Variants in PDE3B observed in about 807,000 individuals in gnomAD.
The protein encoded by PDE3B is cGMP-inhibited 3',5'-cyclic phosphodiesterase 3B.
Under a neutral mutation model 116.8 loss-of-function variants are expected in PDE3B, and 66 were observed. The observed-to-expected ratio is 0.56, with a 90% confidence interval of 0.46 to 0.69. The LOEUF is 0.69. Among genes scored for constraint, PDE3B ranks in the 30% least tolerant of loss-of-function variants. PDE3B has a pLI of 0.00. For missense variants in PDE3B, 1,384 were observed against 1,368.1 expected, an observed-to-expected ratio of 1.01 and a Z score of -0.18; for synonymous variants, 595 against 533.6, an observed-to-expected ratio of 1.12 and a Z score of -1.59.
At chr11:14,894,362 A>T in the PDE3B span, among the ~76,000 whole-genome samples, 1 of 152,006 alleles carries the variant, frequency 6.6e-6, no homozygotes, top group Non-Finnish European at 1.5e-5. Context: ...CCAGGAGCTG[A>T]GGAATATCAC....
chr11:14,801,144 C>T (rs531572144), intron 4 of PDE3B, among the ~76,000 whole-genome samples: 79 of 152,270 alleles, frequency 5.2e-4, no homozygotes, highest in Non-Finnish European at 1.1e-3. Context: ...CCTTCTGAAG[C>T]CTACTTCTGT....
chr11:14,821,121 T>C (rs1357766303), intron 7 of PDE3B, among the ~76,000 whole-genome samples: 2 of 152,216 alleles, frequency 1.3e-5, no homozygotes, highest in Non-Finnish European at 2.9e-5. Flanking sequence ...GAAGGATTGA[T>C]TGGGCAGAAT....
chr11:14,721,329 C>G (rs867011513), intron 1 of PDE3B, among the ~76,000 whole-genome samples: 3,150 of 151,966 alleles, frequency 0.021, 111 homozygotes, highest in African/African-American at 0.072. Flanking sequence ...GTTGGTGGGA[C>G]TGTAAACTAG....
chr11:14,895,717 G>T, the PDE3B span, among the ~76,000 whole-genome samples: 1 of 152,182 alleles, frequency 6.6e-6, no homozygotes, highest in African/African-American at 2.4e-5. Context: ...TCACCCCACT[G>T]CCTGAAGTTC....
intron 4 of PDE3B, among the ~76,000 whole-genome samples, chr11:14,798,298 G>C (rs1416561923): frequency 6.6e-6 from 1 of 152,062 alleles, no homozygotes; most frequent in Non-Finnish European, 1.5e-5. Flanking sequence ...ATCGTGGTGG[G>C]TAAGCTTTTT....
chr11:14,733,536 T>C (rs1442460253), intron 1 of PDE3B, among the ~76,000 whole-genome samples: 1 of 152,188 alleles, frequency 6.6e-6, no homozygotes, highest in Non-Finnish European at 1.5e-5. Flanking sequence ...TGGCTTTTGA[T>C]TACATGTTCT....
chr11:14,824,955 A>C (rs1467835728), intron 7 of PDE3B, among the ~76,000 whole-genome samples: 1 of 152,156 alleles, frequency 6.6e-6, no homozygotes, highest in Non-Finnish European at 1.5e-5. Context: ...TACAAGCCAG[A>C]AGAGCCTGGG....
At chr11:14,783,251 A>T (rs1285663311) in intron 2 of PDE3B, among the ~76,000 whole-genome samples, 1 of 152,256 alleles carries the variant, frequency 6.6e-6, no homozygotes, top group African/African-American at 2.4e-5. Flanking sequence ...CAGCCATCCC[A>T]TTACTGGGTA....
the PDE3B span, among the ~76,000 whole-genome samples, chr11:14,881,524 A>C: frequency 6.6e-6 from 1 of 152,220 alleles, no homozygotes; most frequent in South Asian, 2.1e-4. Flanking sequence ...TGTACCTCTG[A>C]TAAATTTCAC....
At chr11:14,778,741 C>T (rs1366326915) in intron 2 of PDE3B, among the ~76,000 whole-genome samples, 1 of 152,170 alleles carries the variant, frequency 6.6e-6, no homozygotes, top group Non-Finnish European at 1.5e-5. Flanking sequence ...GCTGAAAATT[C>T]TAAAAATCAG....
At chr11:14,820,336 C>G (rs1191402257) in intron 7 of PDE3B, among the ~76,000 whole-genome samples, 1 of 150,458 alleles carries the variant, frequency 6.6e-6, no homozygotes. Flanking sequence ...AAACATTATT[C>G]TAAGTGAAAG....
At position 14,829,278 on chromosome 11, in the gene PDE3B, C is replaced by A. The variant is rs553271472; in HGVS notation, c.1808-1420C>A. Among the ~76,000 whole-genome samples the A allele has an allele frequency of 2.0e-4, 31 of 152,130 alleles. No individual in the cohort carries two copies. In the South Asian group the frequency reaches 6.2e-3, roughly 31 times the overall value. ...GTTACATGCTTACCTATGTAACAAA[C>A]CTGCACTTGTACCACTAAACTTAAA... On this transcript the variant is annotated intron_variant, in intron 7 of 15. Coordinates refer to ENST00000282096, the MANE Select transcript of PDE3B (RefSeq NM_000922.4).
chr11:14,666,599 C>A (rs1854161604), intron 1 of PDE3B, among the ~76,000 whole-genome samples: 5 of 151,710 alleles, frequency 3.3e-5, no homozygotes, highest in Admixed American at 3.3e-4. Flanking sequence ...AAAAAACACA[C>A]AACCCCATCA....
At chr11:14,730,464 T>C (rs1856427402) in intron 1 of PDE3B, among the ~76,000 whole-genome samples, 1 of 152,248 alleles carries the variant, frequency 6.6e-6, no homozygotes. Context: ...TTTCATTCTT[T>C]TATAAATTCT....
intron 3 of PDE3B, among the ~76,000 whole-genome samples, chr11:14,788,630 T>G (rs1858286454): frequency 6.6e-6 from 1 of 151,990 alleles, no homozygotes. Flanking sequence ...AAAGGTGTTC[T>G]GTATTTAACT....
At chr11:14,735,260 A>G (rs1379162878) in intron 1 of PDE3B, among the ~76,000 whole-genome samples, 1 of 152,222 alleles carries the variant, frequency 6.6e-6, no homozygotes, top group Non-Finnish European at 1.5e-5. Context: ...TCCAGGAGGT[A>G]CAAAGTCTGT....
At chr11:14,718,614 A>C (rs1357480689) in intron 1 of PDE3B, among the ~76,000 whole-genome samples, 2 of 150,136 alleles carry the variant, frequency 1.3e-5, no homozygotes, top group Non-Finnish European at 1.5e-5. Context: ...AGGATTAAGA[A>C]TCTCACTCAA....
intron 6 of PDE3B, 113 bp from the exon 7 acceptor site, chr11:14,819,022 AG>A (rs1859424870): frequency 1.7e-6 from 1 of 577,086 alleles, no homozygotes; most frequent in Non-Finnish European, 3.2e-6. Context: ...TTGGAATTTT[AG>A]GATGCGTTGC....
rs117993890 is a variant in PDE3B, at chr11:14,762,581, T to C, written c.979-9356T>C. On this transcript the variant is annotated intron_variant, in intron 1 of 15. Transcript: ENST00000282096. ...TGAGATGAGAAGTCACTGGAGAGTG[T>C]TGAACAAAGAAGTGACATTATGTGA... is the stretch of plus-strand genomic sequence containing the variant. 1.4e-3 allele frequency among the ~76,000 whole-genome samples: 217 copies of C among 152,208 alleles called. 7 individuals are homozygous for C. The East Asian group carries it at 0.031, about 22-fold the overall frequency.
Sources: allele counts gnomAD v4.1 joint callset (sites outside exome capture counted in the v4.1 genomes callset), GRCh38; gene constraint gnomAD v4.1.1; transcripts MANE v1.5; gene names NCBI Gene and HGNC (gene_info 2026-07-23, HGNC 2026-07-21).